The following UTP6 variants were observed in gnomAD, a reference collection of about 807,000 sequenced individuals.
The protein encoded by UTP6 is U3 small nucleolar RNA-associated protein 6 homolog.
In UTP6, 60 loss-of-function variants were observed where a neutral mutation model predicts 96.5. That is an observed-to-expected ratio of 0.62 (90% CI 0.51 to 0.77). UTP6 has a LOEUF of 0.77. Among genes scored for constraint, UTP6 ranks in the 30% least tolerant of loss-of-function variants. The probability of loss-of-function intolerance (pLI) is 0.00; values close to 1 mark genes in which losing one functional copy is unlikely to be tolerated. For synonymous variants in UTP6, 215 were observed against 240.1 expected, an observed-to-expected ratio of 0.90 and a Z score of 0.96; for missense variants, 637 against 706.5, an observed-to-expected ratio of 0.90 and a Z score of 1.12.
In UTP6 at chr17:31,887,320, A is replaced by T; in HGVS notation, c.544-7T>A. ...TCAGCTCCATCCTAAAGTACTACAG[A>T]AGAGAAATAAACTGAAAATCTTTGG... is the stretch of plus-strand genomic sequence containing the variant. On this transcript the variant is annotated splice_polypyrimidine_tract_variant and splice_region_variant and intron_variant, in intron 7 of 18. Transcript: ENST00000261708. 6.2e-7 allele frequency: 1 copy of T among 1,612,540 alleles called. No individual in the cohort carries two copies. The highest frequency in any genetic ancestry group is 8.5e-7 in the Non-Finnish European group (1 of 1,179,090).
chr17:31,896,669 C>G (rs1904670017), intron 2 of UTP6, among the ~76,000 whole-genome samples: 1 of 146,478 alleles, frequency 6.8e-6, no homozygotes, highest in African/African-American at 2.6e-5. Context: ...GAGACAGGGT[C>G]TCTATCACCC....
chr17:31,888,081 G>T (rs1911258024), intron 7 of UTP6: 1 of 151,238 alleles, frequency 6.6e-6, no homozygotes, highest in Admixed American at 6.6e-5. Context: ...TTTATCTAAA[G>T]CTTGGCCCTC....
chr17:31,880,783 C>A, intron 10 of UTP6, 29 bp from the exon 11 acceptor site: 3 of 1,612,552 alleles, frequency 1.9e-6, no homozygotes, highest in Non-Finnish European at 8.5e-7. Flanking sequence ...TGTTATCAAT[C>A]CCACAACAAG....
chr17:31,869,995 G>A (rs1910061118), intron 16 of UTP6, among the ~76,000 whole-genome samples: 2 of 152,166 alleles, frequency 1.3e-5, no homozygotes, highest in African/African-American at 2.4e-5. Flanking sequence ...CTACTGCCAA[G>A]AACATGATTT....
chr17:31,868,290 T>C (rs1178220745), intron 16 of UTP6, among the ~76,000 whole-genome samples, 178 bp from the exon 17 acceptor site: 1 of 150,946 alleles, frequency 6.6e-6, no homozygotes. Flanking sequence ...TGACCACTAA[T>C]GACTTTCTCT....
intron 16 of UTP6, among the ~76,000 whole-genome samples, chr17:31,870,996 T>G (rs1273328962): frequency 2.0e-5 from 3 of 148,358 alleles, no homozygotes; most frequent in Non-Finnish European, 3.0e-5. Flanking sequence ...AGTTTTTTTT[T>G]TTTTTTTTTT....
intron 11 of UTP6, among the ~76,000 whole-genome samples, chr17:31,879,357 T>A (rs949240323): frequency 6.6e-6 from 1 of 152,068 alleles, no homozygotes; most frequent in African/African-American, 2.4e-5. Flanking sequence ...GTCACTGTAC[T>A]CCAGCCTGGG....
In UTP6 at chr17:31,875,428, G is replaced by A; in HGVS notation, c.1126-15C>T. 2 of 1,604,552 alleles carry A rather than the reference G, an allele frequency of 1.2e-6. No homozygotes were observed. The highest frequency in any genetic ancestry group is 1.7e-6 in the Non-Finnish European group (2 of 1,173,980). On this transcript the variant is annotated splice_polypyrimidine_tract_variant and intron_variant, in intron 13 of 18. Coordinates refer to ENST00000261708, the MANE Select transcript of UTP6 (RefSeq NM_018428.3). ...AACGAAACACTCTAGACAAGATGAA[G>A]GATGACTGGAAAATTAATTACTGAA...
intron 10 of UTP6, among the ~76,000 whole-genome samples, chr17:31,882,013 G>A (rs1483275523): frequency 4.6e-5 from 7 of 151,886 alleles, no homozygotes; most frequent in South Asian, 2.1e-4. Flanking sequence ...CTTCATTTTC[G>A]TTTGTGTGTG....
At chr17:31,867,959 A>C in intron 17 of UTP6, 87 bp downstream of exon 17, 1 of 1,414,156 alleles carries the variant, frequency 7.1e-7, no homozygotes, top group Non-Finnish European at 9.7e-7. Flanking sequence ...CTGCCTCAAA[A>C]AAAACAAAAA....
At chr17:31,863,569 C>A (rs1287816900) in intron 18 of UTP6, 53 bp from the exon 19 acceptor site, 1 of 1,473,914 alleles carries the variant, frequency 6.8e-7, no homozygotes, top group Non-Finnish European at 9.2e-7. Context: ...TATTAGGTAA[C>A]CTTATTAAAT....
At chr17:31,883,664 A>C (rs1910975482) in intron 10 of UTP6, among the ~76,000 whole-genome samples, 1 of 151,732 alleles carries the variant, frequency 6.6e-6, no homozygotes, top group Non-Finnish European at 1.5e-5. Context: ...AAGTGAATCA[A>C]AGAACTCAAT....
chr17:31,876,462 T>A (rs1233237434), intron 13 of UTP6, among the ~76,000 whole-genome samples: 2 of 149,436 alleles, frequency 1.3e-5, no homozygotes, highest in African/African-American at 4.9e-5. Flanking sequence ...CTGACCAACA[T>A]GGAGAAACCC....
intron 17 of UTP6, among the ~76,000 whole-genome samples, chr17:31,866,327 G>T (rs1237527775): frequency 6.6e-6 from 1 of 151,572 alleles, no homozygotes; most frequent in Non-Finnish European, 1.5e-5. Context: ...CGGGTGCAGT[G>T]GCTCATGCCT....
chr17:31,866,204 G>A (rs568601698), intron 17 of UTP6, among the ~76,000 whole-genome samples: 401 of 147,548 alleles, frequency 2.7e-3, no homozygotes, highest in African/African-American at 7.0e-3. Flanking sequence ...GGAGAACGGC[G>A]TGAACCTAGG....
chr17:31,884,372 T>C (rs1228848136), intron 10 of UTP6, 52 bp downstream of exon 10: 1 of 1,422,306 alleles, frequency 7.0e-7, no homozygotes, highest in Non-Finnish European at 9.7e-7. Flanking sequence ...CTCAAACCCT[T>C]AATCTCAAGA....
chr17:31,864,732 C>T (rs982996943), intron 18 of UTP6, among the ~76,000 whole-genome samples: 3 of 151,974 alleles, frequency 2.0e-5, no homozygotes, highest in South Asian at 2.1e-4. Flanking sequence ...AAACAATCCT[C>T]GCACCTCAGC....
intron 16 of UTP6, 194 bp downstream of exon 16, chr17:31,873,184 G>A: frequency 4.1e-6 from 2 of 487,164 alleles, no homozygotes; most frequent in South Asian, 5.6e-5. Flanking sequence ...AACGCAGGAG[G>A]CGGAGATTGC....
chr17:31,886,176 C>A lies in UTP6; in HGVS notation c.622-115G>T. On this transcript the variant is annotated intron_variant, in intron 8 of 18. Transcript: ENST00000261708. ...CCATATGACCACTGGTAAATCATGT[C>A]TCTCTCTCCGGGCCAGTTCCCTCAC... 7 of 795,134 alleles carry A rather than the reference C, an allele frequency of 8.8e-6. No homozygotes were observed. In the South Asian group the frequency reaches 1.2e-4, roughly 13 times the overall value. 49.3% of individuals were successfully genotyped at this position (795,134 alleles called of 1,614,324 possible).
Sources: allele counts gnomAD v4.1 joint callset (sites outside exome capture counted in the v4.1 genomes callset), GRCh38; gene constraint gnomAD v4.1.1; transcripts MANE v1.5; gene names NCBI Gene and HGNC (gene_info 2026-07-23, HGNC 2026-07-21).